Variants in NYAP2 observed in about 807,000 individuals in gnomAD.
NYAP2 encodes neuronal tyrosine-phosphorylated phosphoinositide-3-kinase adapter 2.
In NYAP2, 23 loss-of-function variants were observed where a neutral mutation model predicts 50.4. The observed-to-expected ratio is 0.46, with a 90% CI of 0.33 to 0.65. NYAP2 has a LOEUF of 0.65. Among genes scored for constraint, NYAP2 ranks in the 30% least tolerant of loss-of-function variants. The pLI, the probability that NYAP2 is intolerant of heterozygous loss-of-function variation, is 0.02. For synonymous variants in NYAP2, 394 were observed against 365.2 expected (o/e 1.08, Z -0.90); for missense variants, 885 against 861.0 (o/e 1.03, Z -0.35).
At chr2:225,593,546 T>C (rs1040842162) in intron 5 of NYAP2, among the ~76,000 whole-genome samples, 2 of 152,248 alleles carry the variant, frequency 1.3e-5, no homozygotes, top group African/African-American at 2.4e-5. Flanking sequence ...GTTTTTCTTA[T>C]GCTATTGTCT....
chr2:225,685,634 A>AT, the NYAP2 span, among the ~76,000 whole-genome samples: 2 of 152,058 alleles, frequency 1.3e-5, no homozygotes, highest in Non-Finnish European at 2.9e-5. Flanking sequence ...AATATGTCAC[A>AT]TTTTTTTCTA....
At chr2:225,543,402 TTC>T (rs1368360786) in intron 4 of NYAP2, among the ~76,000 whole-genome samples, 1 of 151,984 alleles carries the variant, frequency 6.6e-6, no homozygotes, top group Non-Finnish European at 1.5e-5. Context: ...AGCTAAAAAC[TTC>T]TGTTTTATGA....
chr2:225,435,629 A>C (rs1252688257), intron 3 of NYAP2, among the ~76,000 whole-genome samples: 1 of 152,186 alleles, frequency 6.6e-6, no homozygotes, highest in African/African-American at 2.4e-5. Flanking sequence ...AATTTTCTAC[A>C]TATTGGTATT....
At chr2:225,509,380 C>T (rs1225558153) in intron 3 of NYAP2, among the ~76,000 whole-genome samples, 1 of 152,212 alleles carries the variant, frequency 6.6e-6, no homozygotes, top group Non-Finnish European at 1.5e-5. Context: ...TCAGGGATAT[C>T]TTCCACAATG....
the NYAP2 span, among the ~76,000 whole-genome samples, chr2:225,672,233 A>T: frequency 6.6e-6 from 1 of 152,146 alleles, no homozygotes; most frequent in African/African-American, 2.4e-5. Context: ...TCTTTTTAGT[A>T]TAGCCACCTT....
chr2:225,493,302 G>GT (rs1690441866), intron 3 of NYAP2, among the ~76,000 whole-genome samples: 3 of 152,088 alleles, frequency 2.0e-5, no homozygotes, highest in African/African-American at 4.8e-5. Context: ...CAACTTTTAT[G>GT]TTTTTTTAAA....
intron 3 of NYAP2, among the ~76,000 whole-genome samples, chr2:225,497,986 A>G (rs1434210048): frequency 6.6e-6 from 1 of 152,206 alleles, no homozygotes; most frequent in Non-Finnish European, 1.5e-5. Context: ...TCTATTTTAA[A>G]AAGATTTTGG....
chr2:225,442,955 C>A (rs1574617179), intron 3 of NYAP2, among the ~76,000 whole-genome samples: 1 of 152,130 alleles, frequency 6.6e-6, no homozygotes, highest in East Asian at 1.9e-4. Context: ...GAAGGAGGAA[C>A]AAAGGCACAT....
At chr2:225,602,617 G>C (rs1208659504) in intron 5 of NYAP2, among the ~76,000 whole-genome samples, 2 of 152,028 alleles carry the variant, frequency 1.3e-5, no homozygotes, top group Non-Finnish European at 2.9e-5. Flanking sequence ...TTAGGTCTTT[G>C]ACACATTTTG....
chr2:225,678,769 A>G, the NYAP2 span, among the ~76,000 whole-genome samples: 14 of 152,314 alleles, frequency 9.2e-5, no homozygotes, highest in East Asian at 1.4e-3. Flanking sequence ...TGCATTGCCC[A>G]TGAAGCAGTG....
chr2:225,660,772 T>C, the NYAP2 span, among the ~76,000 whole-genome samples: 2 of 152,320 alleles, frequency 1.3e-5, no homozygotes, highest in Middle Eastern at 3.4e-3. Flanking sequence ...CCTGTAGAAA[T>C]CTATGACAAA....
chr2:225,550,985 T>G (rs1006441385), intron 4 of NYAP2, among the ~76,000 whole-genome samples: 5 of 152,314 alleles, frequency 3.3e-5, no homozygotes, highest in African/African-American at 1.2e-4. Context: ...AATAGAAGAC[T>G]CAGGCTATTA....
chr2:225,481,138 C>A (rs1334539101), intron 3 of NYAP2, among the ~76,000 whole-genome samples: 1 of 151,610 alleles, frequency 6.6e-6, no homozygotes, highest in East Asian at 1.9e-4. Context: ...CTGTTTCTTT[C>A]TTTAAAAAAC....
chr2:225,498,408 G>A (rs1690544487), intron 3 of NYAP2, among the ~76,000 whole-genome samples: 1 of 152,058 alleles, frequency 6.6e-6, no homozygotes. Context: ...CCAGGGGAGT[G>A]GAGGGAAGAA....
chr2:225,578,970 C>G (rs879318780), intron 4 of NYAP2, among the ~76,000 whole-genome samples: 10 of 152,136 alleles, frequency 6.6e-5, no homozygotes, highest in Admixed American at 4.6e-4. Context: ...TGAGGGCTCT[C>G]TACTTGGCTT....
At chr2:225,682,864 G>GCT in the NYAP2 span, among the ~76,000 whole-genome samples, 57 of 152,244 alleles carry the variant, frequency 3.7e-4, no homozygotes, top group Admixed American at 1.2e-3. Context: ...GGCAGATGTA[G>GCT]CTCTAAGTTC....
At chr2:225,590,602 C>T (rs1292546141) in intron 5 of NYAP2, among the ~76,000 whole-genome samples, 1 of 152,170 alleles carries the variant, frequency 6.6e-6, no homozygotes, top group Non-Finnish European at 1.5e-5. Flanking sequence ...TCACCATTGA[C>T]TTGTATTCAA....
chr2:225,663,541 C>T, the NYAP2 span, among the ~76,000 whole-genome samples: 1 of 152,050 alleles, frequency 6.6e-6, no homozygotes, highest in Non-Finnish European at 1.5e-5. Context: ...CACACACCCA[C>T]CACAGTTCTT....
At chr2:225,478,279 G>GC (rs1278310354) in intron 3 of NYAP2, among the ~76,000 whole-genome samples, 1 of 152,102 alleles carries the variant, frequency 6.6e-6, no homozygotes, top group African/African-American at 2.4e-5. Context: ...GGGATGCTGA[G>GC]CCCCAGTAAC....
Sources: allele counts gnomAD v4.1 joint callset (sites outside exome capture counted in the v4.1 genomes callset), GRCh38; gene constraint gnomAD v4.1.1; transcripts MANE v1.5; gene names NCBI Gene and HGNC (gene_info 2026-07-23, HGNC 2026-07-21).